Variants in SH3BP4 observed in about 807,000 individuals in gnomAD.
The protein encoded by SH3BP4 is SH3 domain binding protein 4.
SH3BP4 carries 33 observed loss-of-function variants against 65.5 expected under a neutral mutation model. That is an observed-to-expected ratio of 0.50 (90% CI 0.38 to 0.67). The LOEUF (loss-of-function observed/expected upper bound fraction) is 0.67. SH3BP4 is among the 30% of genes least tolerant of loss of function. The pLI is 0.00. For synonymous variants in SH3BP4, 552 were observed against 545.5 expected, an observed-to-expected ratio of 1.01 and a Z score of -0.17; for missense variants, 1,134 against 1,261.4, an observed-to-expected ratio of 0.90 and a Z score of 1.53.
rs1415383110 is a variant in SH3BP4 at position 235,043,103 on chromosome 2, C to T, written c.2334C>T (p.Tyr778=). 12 of 1,613,504 alleles carry T rather than the reference C, an allele frequency of 7.4e-6. No individual in the cohort carries two copies. The highest frequency in any genetic ancestry group is 1.0e-5 in the Non-Finnish European group (12 of 1,179,964). ...SWRSFADALG[Y]VNLPLTFFCR... ...GCTCCTTCGCTGACGCCCTGGGCTA[C>T]GTGAACCTGCCGCTCACCTTTTTCT... is the stretch of plus-strand genomic sequence containing the variant. Residue 778 remains tyrosine, a synonymous_variant, in exon 4 of 6, where the codon TAC becomes TAT. Transcript: ENST00000392011.
At position 235,038,292 on chromosome 2, in the gene SH3BP4, A is replaced by C. The variant is rs1281503488; in HGVS notation, c.119-2596A>C. On this transcript the variant is annotated intron_variant, in intron 3 of 5. Transcript: ENST00000392011. ...ATATATAATATATATTATATATAAT[A>C]TATATATTATATATATATATTATAT... is the stretch of plus-strand genomic sequence containing the variant. Among the ~76,000 whole-genome samples the C allele has an allele frequency of 8.0e-3, 95 of 11,908 alleles. No homozygotes were observed. The African/African-American group carries it at 0.11, about 14-fold the overall frequency. The allele number at this position is 11,908 out of a possible 152,430, so 7.8% of individuals were successfully genotyped here.
In SH3BP4 at chr2:234,952,094, C is replaced by G. The variant is rs1692481974; in HGVS notation, c.-283C>G. The G allele has an allele frequency of 6.7e-6, 1 of 148,546 alleles. No homozygotes were observed. The highest frequency in any genetic ancestry group is 1.5e-5 in the Non-Finnish European group (1 of 66,424). 9.2% of individuals were successfully genotyped at this position (148,546 alleles called of 1,614,324 possible). On this transcript the variant is annotated 5_prime_UTR_variant, in exon 1 of 6. Transcript: ENST00000392011. This position sits in a 1 kb window ranked among gnomAD's most constrained non-coding sequence, Gnocchi z 6.5. ...CGCCGCCGTGAGTCCCGCGGAGCCG[C>G]GCGCGCCCCCGGCTGGGCCGAGCCG...
rs1289064347 is a variant in SH3BP4 at position 234,965,094 on chromosome 2, A to G, written c.-207+12924A>G. On this transcript the variant is annotated intron_variant, in intron 1 of 5. Transcript: ENST00000392011. ...TTAATCACCCTGTACAGCTTTTAAA[A>G]GTTACTTTTATTACCCAAAACAACA... 2.6e-5 allele frequency among the ~76,000 whole-genome samples: 4 copies of G among 152,238 alleles called. No individual in the cohort carries two copies. The East Asian group carries it at 7.7e-4, about 29-fold the overall frequency.
chr2:235,017,661 G>T (rs573549583), intron 2 of SH3BP4, among the ~76,000 whole-genome samples: 1 of 152,054 alleles, frequency 6.6e-6, no homozygotes, highest in Non-Finnish European at 1.5e-5. Flanking sequence ...TTCTGCACAC[G>T]TGCTTATCTC....
intron 2 of SH3BP4, among the ~76,000 whole-genome samples, chr2:234,998,849 G>T (rs1036223281): frequency 6.6e-6 from 1 of 152,212 alleles, no homozygotes. Context: ...AGAAACTAAG[G>T]CCAGCGTCCT....
intron 1 of SH3BP4, among the ~76,000 whole-genome samples, chr2:234,958,813 A>G (rs1692645114): frequency 6.6e-6 from 1 of 152,066 alleles, no homozygotes; most frequent in African/African-American, 2.4e-5. Flanking sequence ...AGAAACTCCT[A>G]TAATAGAAGA....
chr2:234,974,106 C>T lies in SH3BP4; in HGVS notation c.-206-21197C>T, dbSNP rs962218250. Among the ~76,000 whole-genome samples, 1 of 152,098 alleles carries T rather than the reference C, an allele frequency of 6.6e-6. No homozygotes were observed. Among genetic ancestry groups the T allele is most frequent in the African/African-American group, 2.4e-5 (1 of 41,442 alleles). ...AAGGACCTGGCGCAGTGGCTCACCC[C>T]TGTAATCCCAGCACTTTGGGAGGCC... On this transcript the variant is annotated intron_variant, in intron 1 of 5. Transcript: ENST00000392011. This position sits in a 1 kb window ranked among gnomAD's most constrained non-coding sequence, Gnocchi z 4.6.
intron 3 of SH3BP4, among the ~76,000 whole-genome samples, chr2:235,038,379 ATATATATATAT>A (rs1695514025): frequency 1.4e-4 from 4 of 27,592 alleles, no homozygotes; most frequent in African/African-American, 9.2e-4. Flanking sequence ...ATATATACAT[ATATATATATAT>A]ATATATATAT....
At position 234,977,271 on chromosome 2, in the gene SH3BP4, C is replaced by T. The variant is rs527908630; in HGVS notation, c.-206-18032C>T. 7.2e-5 allele frequency among the ~76,000 whole-genome samples: 11 copies of T among 152,276 alleles called. No homozygotes were observed. Among genetic ancestry groups the T allele is most frequent in the Admixed American group, 3.9e-4 (6 of 15,296 alleles). On this transcript the variant is annotated intron_variant, in intron 1 of 5. Transcript: ENST00000392011. The surrounding 1 kb of genome is among the most constrained non-coding windows in gnomAD (Gnocchi z 5.1). ...AAGCTCAGGGTCCCCATTTCCTGGC[C>T]GGGAACTTCCCTTTCCTACAGACCC...
Position 235,055,149 on chromosome 2 carries a change from G to C in SH3BP4, c.*1333G>C, listed in dbSNP as rs921222311. 1 of 152,228 alleles carries C rather than the reference G, an allele frequency of 6.6e-6. No individual in the cohort carries two copies. The highest frequency in any genetic ancestry group is 6.5e-5 in the Admixed American group (1 of 15,270). 9.4% of individuals were successfully genotyped at this position (152,228 alleles called of 1,614,324 possible). A position where few individuals can be genotyped will look rare whatever the true frequency, so the allele number is the denominator to read the frequency against. On this transcript the variant is annotated 3_prime_UTR_variant, in exon 6 of 6. Transcript: ENST00000392011. ...TTGGAAGGGAGCAGGAGGAAGGACT[G>C]ATACTGGCAAATCAGTAGAGTGAGG... is the stretch of plus-strand genomic sequence containing the variant.
chr2:234,956,949 C>T (rs1692602667), intron 1 of SH3BP4, among the ~76,000 whole-genome samples: 1 of 152,190 alleles, frequency 6.6e-6, no homozygotes, highest in African/African-American at 2.4e-5. Flanking sequence ...TAAACCTGCT[C>T]TCTGAGGAGA....
chr2:235,052,425 A>G lies in SH3BP4; in HGVS notation c.2479-137A>G. 1.6e-6 allele frequency: 1 copy of G among 619,936 alleles called. No homozygotes were observed. Among genetic ancestry groups the G allele is most frequent in the Admixed American group, 3.2e-5 (1 of 31,302 alleles). 38.4% of individuals were successfully genotyped at this position (619,936 alleles called of 1,614,324 possible). A position where few individuals can be genotyped will look rare whatever the true frequency, so the allele number is the denominator to read the frequency against. ...TCCTGGCAGTGATCGATTTCAGGGG[A>G]CATTTGGTAGTAGGCCAGGGAACAT... On this transcript the variant is annotated intron_variant, in intron 4 of 5. Coordinates refer to ENST00000392011, the MANE Select transcript of SH3BP4 (RefSeq NM_014521.3). This position sits in a 1 kb window ranked among gnomAD's most constrained non-coding sequence, Gnocchi z 5.0.
intron 4 of SH3BP4, among the ~76,000 whole-genome samples, chr2:235,044,332 C>T (rs754382570): frequency 1.3e-5 from 2 of 152,258 alleles, no homozygotes; most frequent in African/African-American, 2.4e-5. Context: ...ATTTGCTCAA[C>T]GCTTTCTTAG....
At chr2:235,021,387 G>A (rs1023601856) in intron 2 of SH3BP4, among the ~76,000 whole-genome samples, 1 of 152,048 alleles carries the variant, frequency 6.6e-6, no homozygotes, top group Non-Finnish European at 1.5e-5. Context: ...GCTGAGGCAT[G>A]TGGATCACTT....
rs544073713 is a variant in SH3BP4 at position 235,001,747 on chromosome 2, A to G, written c.-133+6371A>G. Among the ~76,000 whole-genome samples, 4 of 152,304 alleles carry G rather than the reference A, an allele frequency of 2.6e-5. No homozygotes were observed. The South Asian group carries it at 8.3e-4, about 32-fold the overall frequency. On this transcript the variant is annotated intron_variant, in intron 2 of 5. Coordinates refer to ENST00000392011, the MANE Select transcript of SH3BP4 (RefSeq NM_014521.3). The stretch of plus-strand genomic sequence containing the variant: ...AGCCTGTGTACAGGTGACTGGAGAG[A>G]TGAGTTCTCACGGACCGTTCGGGCA...
intron 3 of SH3BP4, 60 bp from the exon 4 acceptor site, chr2:235,040,828 G>A: frequency 6.9e-7 from 1 of 1,459,792 alleles, no homozygotes; most frequent in Non-Finnish European, 9.5e-7. Flanking sequence ...CCTTTGGGAA[G>A]CTCTCCGGAC....
At chr2:234,969,869 T>C (rs1692935956) in intron 1 of SH3BP4, among the ~76,000 whole-genome samples, 1 of 151,906 alleles carries the variant, frequency 6.6e-6, no homozygotes, top group Non-Finnish European at 1.5e-5. Flanking sequence ...TCTCTGTCTC[T>C]CTCACACACT....
chr2:235,038,349 T>A (rs866634130), intron 3 of SH3BP4, among the ~76,000 whole-genome samples: 2,056 of 12,354 alleles, frequency 0.17, 294 homozygotes, highest in African/African-American at 0.42. Context: ...GTATATATAT[T>A]TTATATATAT....
rs192736498 is a variant in SH3BP4 at position 234,961,461 on chromosome 2, G to A, written c.-207+9291G>A. Among the ~76,000 whole-genome samples, 407 of 152,076 alleles carry A rather than the reference G, an allele frequency of 2.7e-3. 2 individuals are homozygous for A. The highest frequency in any genetic ancestry group is 3.9e-3 in the Non-Finnish European group (262 of 67,994). ...TAATTTTTGTATTTTTAGTAGAGAC[G>A]GGGTTTTACCATGTTGGCCAGGCTG... is the stretch of plus-strand genomic sequence containing the variant. On this transcript the variant is annotated intron_variant, in intron 1 of 5. Coordinates refer to ENST00000392011, the MANE Select transcript of SH3BP4 (RefSeq NM_014521.3).
Sources: gnomAD v4.1 joint callset for allele counts (sites outside exome capture counted in the v4.1 genomes callset) on GRCh38, gnomAD v4.1.1 for gene constraint, Gnocchi (gnomAD v3.1) non-coding constraint, MANE v1.5 for transcripts, NCBI Gene and HGNC (gene_info 2026-07-23, HGNC 2026-07-21) for gene names.